SLIT3: variants seen among roughly 807,000 people sequenced by gnomAD.
SLIT3 encodes the protein slit homolog 3 protein.
SLIT3 carries 68 observed loss-of-function variants against 184.0 expected under a neutral mutation model. The ratio of observed to expected loss-of-function variants is 0.37; its 90% confidence interval spans 0.30 to 0.45. The LOEUF is 0.45. SLIT3 is among the 20% of genes least tolerant of loss of function. SLIT3 has a pLI of 1.00. For missense variants in SLIT3, 1,707 were observed against 2,026.0 expected, an observed-to-expected ratio of 0.84 and a Z score of 3.02; for synonymous variants, 831 against 828.6, an observed-to-expected ratio of 1.00 and a Z score of -0.05.
chr5:168,970,211 C>T (rs1754521234), intron 4 of SLIT3, among the ~76,000 whole-genome samples: 1 of 149,964 alleles, frequency 6.7e-6, no homozygotes, highest in Non-Finnish European at 1.5e-5. Context: ...ACAGCAAAGA[C>T]AAGGCCAGGC....
intron 4 of SLIT3, among the ~76,000 whole-genome samples, chr5:168,930,979 T>C (rs1761970715): frequency 6.6e-6 from 1 of 152,120 alleles, no homozygotes; most frequent in Non-Finnish European, 1.5e-5. Context: ...CTGCAAAGCC[T>C]CCTGGAACGT....
At chr5:169,269,561 T>C (rs1201653475) in intron 1 of SLIT3, among the ~76,000 whole-genome samples, 1 of 152,210 alleles carries the variant, frequency 6.6e-6, no homozygotes, top group African/African-American at 2.4e-5. Flanking sequence ...ACTGCAGCTG[T>C]CAGGAAGCTT....
At chr5:168,808,091 A>G (rs1180463869) in intron 8 of SLIT3, among the ~76,000 whole-genome samples, 1 of 152,174 alleles carries the variant, frequency 6.6e-6, no homozygotes, top group Middle Eastern at 3.2e-3. Flanking sequence ...GGGATGTTTG[A>G]GAAAATATTC....
At chr5:169,282,486 T>C (rs1767025901) in intron 1 of SLIT3, among the ~76,000 whole-genome samples, 1 of 152,208 alleles carries the variant, frequency 6.6e-6, no homozygotes, top group Admixed American at 6.5e-5. Flanking sequence ...GTCTCTCCAT[T>C]AAAGCAGTTA....
chr5:169,015,639 A>C (rs888168714), intron 4 of SLIT3, among the ~76,000 whole-genome samples: 1 of 152,128 alleles, frequency 6.6e-6, no homozygotes, highest in Non-Finnish European at 1.5e-5. Context: ...CTTATGGAAA[A>C]CATTACTCTG....
At chr5:169,190,510 T>G (rs1367983160) in intron 4 of SLIT3, among the ~76,000 whole-genome samples, 1 of 152,252 alleles carries the variant, frequency 6.6e-6, no homozygotes, top group Non-Finnish European at 1.5e-5. Flanking sequence ...TGAGTGGTGT[T>G]ATAGTCACAG....
intron 4 of SLIT3, among the ~76,000 whole-genome samples, chr5:169,117,749 T>A (rs904441382): frequency 6.6e-6 from 1 of 152,252 alleles, no homozygotes; most frequent in Non-Finnish European, 1.5e-5. Flanking sequence ...AAGGGGTCTC[T>A]ATTCTCAAAA....
chr5:169,007,745 C>A (rs1755987215), intron 4 of SLIT3, among the ~76,000 whole-genome samples: 1 of 152,172 alleles, frequency 6.6e-6, no homozygotes, highest in Non-Finnish European at 1.5e-5. Flanking sequence ...CTAAAGATGG[C>A]CTTTAACTAA....
intron 3 of SLIT3, among the ~76,000 whole-genome samples, chr5:169,227,089 A>G (rs2113543625): frequency 6.6e-6 from 1 of 152,254 alleles, no homozygotes; most frequent in East Asian, 1.9e-4. Flanking sequence ...AAGATAATGG[A>G]TAAGTGGGAG....
At chr5:168,999,388 A>G (rs1325669230) in intron 4 of SLIT3, among the ~76,000 whole-genome samples, 1 of 151,496 alleles carries the variant, frequency 6.6e-6, no homozygotes, top group Non-Finnish European at 1.5e-5. Context: ...GATAAACAGT[A>G]ATAATTACCC....
rs3038060 is a variant in SLIT3 at position 169,141,424 on chromosome 5, G to T, written c.413+52055C>A. On this transcript the variant is annotated intron_variant, in intron 4 of 35. Transcript: ENST00000519560. ...AAGATTTTTTTTTGTTGTTTGTTTT[G>T]TTTTTTTTTTTGTTTTTTGATAAAG... Among the ~76,000 whole-genome samples the T allele has an allele frequency of 1.7e-3, 160 of 94,682 alleles. 5 individuals are homozygous for T. Among genetic ancestry groups the T allele is most frequent in the African/African-American group, 5.3e-3 (137 of 25,610 alleles). 62.1% of individuals were successfully genotyped at this position (94,682 alleles called of 152,430 possible).
chr5:169,198,158 A>G lies in SLIT3; in HGVS notation c.342-4608T>C, dbSNP rs547459604. On this transcript the variant is annotated intron_variant, in intron 3 of 35. Coordinates refer to ENST00000519560, the MANE Select transcript of SLIT3 (RefSeq NM_003062.4). ...AGTTTTTCAATATGAACATACAAAA[A>G]TGAATAAGATACAGCCCCTTCTTTT... Among the ~76,000 whole-genome samples, 88 of 152,370 alleles carry G rather than the reference A, an allele frequency of 5.8e-4. 1 individual carries two copies. The highest frequency in any genetic ancestry group is 1.0e-3 in the South Asian group (5 of 4,824).
intron 4 of SLIT3, among the ~76,000 whole-genome samples, chr5:168,992,290 A>AGTACAAG (rs1755357011): frequency 6.6e-6 from 1 of 152,222 alleles, no homozygotes; most frequent in South Asian, 2.1e-4. Context: ...TCCTTCAAAA[A>AGTACAAG]GTACAAGGCA....
intron 4 of SLIT3, among the ~76,000 whole-genome samples, chr5:169,154,058 C>T (rs1263400010): frequency 4.0e-5 from 6 of 151,678 alleles, no homozygotes; most frequent in African/African-American, 1.5e-4. Context: ...CTGCAAGCTC[C>T]ACCTCCTGGG....
chr5:169,238,542 GCT>G (rs1765279900), intron 3 of SLIT3, among the ~76,000 whole-genome samples: 1 of 60,434 alleles, frequency 1.7e-5, no homozygotes, highest in Admixed American at 2.5e-4. Context: ...CAGTGAAATA[GCT>G]TTTTTTTTTT....
chr5:168,715,697 C>G (rs1484340121), intron 23 of SLIT3, among the ~76,000 whole-genome samples: 2 of 152,212 alleles, frequency 1.3e-5, no homozygotes, highest in African/African-American at 4.8e-5. Flanking sequence ...ATTTTTGAGA[C>G]AGTCTCACTT....
intron 20 of SLIT3, among the ~76,000 whole-genome samples, chr5:168,726,111 C>G (rs1763099971): frequency 6.6e-6 from 1 of 151,912 alleles, no homozygotes; most frequent in East Asian, 2.0e-4. Flanking sequence ...GGGAGAAATA[C>G]AAAGATGAAC....
chr5:168,665,345 C>A lies in SLIT3; in HGVS notation c.*1109G>T, dbSNP rs930182033. ...GATCAGGTGGCAGAGGCCTGTCTTA[C>A]AACAAGAGCCTCCAAGAACCTTCCA... is the stretch of plus-strand genomic sequence containing the variant. On this transcript the variant is annotated 3_prime_UTR_variant, in exon 36 of 36. Transcript: ENST00000519560. 2.0e-5 allele frequency: 3 copies of A among 152,230 alleles called. No individual in the cohort carries two copies. The highest frequency in any genetic ancestry group is 4.4e-5 in the Non-Finnish European group (3 of 68,076). 9.4% of individuals were successfully genotyped at this position (152,230 alleles called of 1,614,324 possible).
intron 4 of SLIT3, among the ~76,000 whole-genome samples, chr5:169,084,956 G>A (rs371986392): frequency 5.9e-5 from 9 of 152,266 alleles, no homozygotes; most frequent in East Asian, 1.9e-4. Context: ...CATGTTACCC[G>A]TGTCTCCCAG....
Sources: gnomAD v4.1 joint callset for allele counts (sites outside exome capture counted in the v4.1 genomes callset) on GRCh38, gnomAD v4.1.1 for gene constraint, MANE v1.5 for transcripts, NCBI Gene and HGNC (gene_info 2026-07-23, HGNC 2026-07-21) for gene names.